Variants in PLXNA4 observed in about 807,000 individuals in gnomAD.
The protein encoded by PLXNA4 is plexin-A4.
Under a neutral mutation model 191.8 loss-of-function variants are expected in PLXNA4, and 44 were observed. That is an observed-to-expected ratio of 0.23 (90% confidence interval 0.18 to 0.29). The LOEUF (loss-of-function observed/expected upper bound fraction) is 0.29, where lower values mean the gene tolerates loss of function less well. Ranked by LOEUF, PLXNA4 falls within the 10% of genes least tolerant of loss-of-function variation. The pLI is 1.00. For synonymous variants in PLXNA4, 1,082 were observed against 1,009.5 expected (o/e 1.07, Z -1.36); for missense variants, 1,800 against 2,488.8 (o/e 0.72, Z 5.89).
chr7:132,497,683 G>A (rs1798082422), intron 2 of PLXNA4, among the ~76,000 whole-genome samples: 1 of 152,200 alleles, frequency 6.6e-6, no homozygotes, highest in Non-Finnish European at 1.5e-5. Context: ...CTTCAGACAC[G>A]TGACATTGAG....
At chr7:132,212,265 G>A (rs751406) in intron 9 of PLXNA4, among the ~76,000 whole-genome samples, 18,174 of 152,164 alleles carry the variant, frequency 0.12, 1,120 homozygotes, top group Middle Eastern at 0.14. Context: ...TTCTCACCCC[G>A]CACCTTAACA....
chr7:132,389,459 G>A (rs1805304594), intron 3 of PLXNA4, among the ~76,000 whole-genome samples: 1 of 152,188 alleles, frequency 6.6e-6, no homozygotes. Flanking sequence ...GTGTAAGGAA[G>A]GGATCTAGTT....
At chr7:132,614,793 C>T (rs977959007) in intron 2 of PLXNA4, among the ~76,000 whole-genome samples, 3 of 152,108 alleles carry the variant, frequency 2.0e-5, no homozygotes, top group Non-Finnish European at 2.9e-5. Context: ...TGGGAAATGC[C>T]GGAGACACCT....
At chr7:132,199,006 T>A (rs573574110) in intron 12 of PLXNA4, among the ~76,000 whole-genome samples, 19 of 152,256 alleles carry the variant, frequency 1.2e-4, no homozygotes, top group African/African-American at 3.6e-4. Flanking sequence ...ACCCCTCCTA[T>A]CCATTCAGAG....
intron 3 of PLXNA4, among the ~76,000 whole-genome samples, chr7:132,382,901 A>G (rs1472372314): frequency 1.3e-5 from 2 of 152,186 alleles, no homozygotes; most frequent in East Asian, 3.8e-4. Context: ...ATATGCATAC[A>G]CAAATGTAGT....
chr7:132,594,510 C>T lies in PLXNA4; in HGVS notation c.-87+51418G>A, dbSNP rs146154601. Among the ~76,000 whole-genome samples the T allele has an allele frequency of 5.7e-3, 868 of 152,302 alleles. 13 individuals are homozygous for T. The highest frequency in any genetic ancestry group is 0.019 in the African/African-American group (791 of 41,552). ...ATGGGCTCGTTTTCTATAAGGTGAG[C>T]AAGTTGGACTTGATTTGCAGCTTTC... On this transcript the variant is annotated intron_variant, in intron 2 of 4. Coordinates refer to the PLXNA4 transcript ENST00000378539.
At chr7:132,427,826 C>A (rs1795107099) in intron 3 of PLXNA4, among the ~76,000 whole-genome samples, 1 of 152,236 alleles carries the variant, frequency 6.6e-6, no homozygotes, top group Non-Finnish European at 1.5e-5. Context: ...GTGATCCTTC[C>A]TTTGCAAATG....
chr7:132,200,570 A>G (rs140487688), intron 12 of PLXNA4, among the ~76,000 whole-genome samples: 16 of 152,342 alleles, frequency 1.1e-4, no homozygotes, highest in Admixed American at 7.2e-4. Flanking sequence ...CAGAGCCTGT[A>G]TAGCCAGGAA....
chr7:132,177,205 GTGAGTGTATGTGTGAGTCCA>G (rs1167813922), intron 20 of PLXNA4, among the ~76,000 whole-genome samples: 1 of 152,240 alleles, frequency 6.6e-6, no homozygotes, highest in Non-Finnish European at 1.5e-5. Flanking sequence ...ATGTGTGCAT[GTGAGTGTATGTGTGAGTCCA>G]TGAGTGTATG....
At chr7:132,594,603 T>G (rs1309640624) in intron 2 of PLXNA4, among the ~76,000 whole-genome samples, 1 of 152,220 alleles carries the variant, frequency 6.6e-6, no homozygotes, top group Non-Finnish European at 1.5e-5. Flanking sequence ...GGCAGCACAC[T>G]TTGAAAACCA....
At chr7:132,261,975 T>C (rs1271410800) in intron 4 of PLXNA4, among the ~76,000 whole-genome samples, 1 of 151,386 alleles carries the variant, frequency 6.6e-6, no homozygotes, top group African/African-American at 2.4e-5. Flanking sequence ...CCAGCAGAGG[T>C]TGACCAAATA....
intron 4 of PLXNA4, among the ~76,000 whole-genome samples, chr7:132,242,613 C>A (rs1256797192): frequency 1.3e-5 from 2 of 152,148 alleles, no homozygotes; most frequent in African/African-American, 4.8e-5. Flanking sequence ...CCACACTGCG[C>A]TTTCACTTCT....
At chr7:132,353,010 C>T (rs1803554267) in intron 3 of PLXNA4, among the ~76,000 whole-genome samples, 1 of 152,162 alleles carries the variant, frequency 6.6e-6, no homozygotes, top group East Asian at 1.9e-4. Context: ...AATTCCTTAA[C>T]ATTTTCCACT....
chr7:132,314,740 T>A lies in PLXNA4; in HGVS notation c.1372-16518A>T, dbSNP rs551427251. Among the ~76,000 whole-genome samples the A allele has an allele frequency of 3.6e-4, 55 of 152,328 alleles. No individual in the cohort carries two copies. In the South Asian group the frequency reaches 9.5e-3, roughly 26 times the overall value. On this transcript the variant is annotated intron_variant, in intron 3 of 31. Coordinates refer to ENST00000321063, the MANE Select transcript of PLXNA4 (RefSeq NM_020911.2). ...CACGCTGGAGTTCACTAACTGGACT[T>A]CCAGCCACTTTACTTCCCATCCTCA...
intron 3 of PLXNA4, among the ~76,000 whole-genome samples, chr7:132,487,373 G>T (rs1797604196): frequency 6.6e-6 from 1 of 152,206 alleles, no homozygotes; most frequent in African/African-American, 2.4e-5. Flanking sequence ...ACTGCTTGCT[G>T]ACTTATTTAC....
intron 4 of PLXNA4, among the ~76,000 whole-genome samples, chr7:132,285,448 T>A (rs1174149408): frequency 6.6e-6 from 1 of 152,218 alleles, no homozygotes; most frequent in East Asian, 1.9e-4. Flanking sequence ...TCAGATAATC[T>A]CCCCTTAGCC....
chr7:132,560,967 G>A (rs1306743459), intron 1 of PLXNA4, among the ~76,000 whole-genome samples: 1 of 151,980 alleles, frequency 6.6e-6, no homozygotes, highest in Non-Finnish European at 1.5e-5. Flanking sequence ...TGTTCTCCAC[G>A]TGGCCCCCGC....
At position 132,127,401 on chromosome 7, in the gene PLXNA4, C is replaced by T. The variant is rs1479527481; in HGVS notation, c.*3078G>A. 1 of 152,084 alleles carries T rather than the reference C, an allele frequency of 6.6e-6. No individual in the cohort carries two copies. The highest frequency in any genetic ancestry group is 1.9e-4 in the East Asian group (1 of 5,178). 9.4% of individuals were successfully genotyped at this position (152,084 alleles called of 1,614,324 possible). The stretch of plus-strand genomic sequence containing the variant: ...TTCCTTTCTCTGGGAGCCCGCAAGC[C>T]ACATGGACAGCCCCTGGATGTTTGC... On this transcript the variant is annotated 3_prime_UTR_variant, in exon 32 of 32. Transcript: ENST00000321063.
At chr7:132,522,794 C>A (rs1799242780) in intron 1 of PLXNA4, among the ~76,000 whole-genome samples, 1 of 152,048 alleles carries the variant, frequency 6.6e-6, no homozygotes, top group Admixed American at 6.6e-5. Flanking sequence ...TAAACAAACC[C>A]CAAAGCCACT....
Sources: gnomAD v4.1 joint callset for allele counts (sites outside exome capture counted in the v4.1 genomes callset) on GRCh38, gnomAD v4.1.1 for gene constraint, MANE v1.5 for transcripts, NCBI Gene and HGNC (gene_info 2026-07-23, HGNC 2026-07-21) for gene names.